The following FBXW4 variants were observed in gnomAD, a reference collection of about 807,000 sequenced individuals.
The protein encoded by FBXW4 is F-box and WD repeat domain containing 4.
In FBXW4, 40 loss-of-function variants were observed where a neutral mutation model predicts 61.8. The observed-to-expected ratio is 0.65, with a 90% CI of 0.50 to 0.84. The LOEUF (loss-of-function observed/expected upper bound fraction) is 0.84, where lower values mean the gene tolerates loss of function less well. Ranked by LOEUF, FBXW4 falls within the 40% of genes least tolerant of loss-of-function variation. The pLI is 0.00. For missense variants in FBXW4, 672 were observed against 753.8 expected (o/e 0.89, Z 1.27); for synonymous variants, 311 against 313.8 (o/e 0.99, Z 0.10).
chr10:101,614,407 A>G (rs1436042636), intron 6 of FBXW4, among the ~76,000 whole-genome samples: 2 of 152,270 alleles, frequency 1.3e-5, no homozygotes, highest in South Asian at 2.1e-4. Context: ...TAAAAGGCCC[A>G]CCCAGACTGG....
Position 101,695,037 on chromosome 10 carries a change from C to A in FBXW4, c.69G>T (p.Ala23=). 9.8e-7 allele frequency: 1 copy of A among 1,018,392 alleles called. No homozygotes were observed. Among genetic ancestry groups the A allele is most frequent in the Non-Finnish European group, 1.2e-6 (1 of 851,738 alleles). 63.1% of individuals were successfully genotyped at this position (1,018,392 alleles called of 1,614,324 possible). Residue 23 remains alanine (A), a synonymous_variant, in exon 1 of 9, where the codon GCG becomes GCT. Transcript: ENST00000331272. This position sits in a 1 kb window ranked among gnomAD's most constrained non-coding sequence, Gnocchi z 4.2. ...CCACCCTCCCTTCCTGCAGCTTCCT[C>A]GCCTCTCCGCCCTCGCCCTCGCCGG... ...GGPGEGEGGE[A]RKLQEGRVAR...
chr10:101,615,862 G>A (rs970478005), intron 6 of FBXW4, among the ~76,000 whole-genome samples: 1 of 152,170 alleles, frequency 6.6e-6, no homozygotes, highest in African/African-American at 2.4e-5. Flanking sequence ...CACCAAGTCT[G>A]CAGAGCTAGG....
rs187223394 is a variant in FBXW4 at position 101,653,996 on chromosome 10, C to T, written c.1235+13890G>A. ...ATTAGCCAGGTGTGGTGGCATGCATCTGTAATCCCAGCTACTTGGGAGGCT... is the reference window on the plus strand; with the variant it reads ...ATTAGCCAGGTGTGGTGGCATGCATTTGTAATCCCAGCTACTTGGGAGGCT... On this transcript the variant is annotated intron_variant, in intron 5 of 8. Transcript: ENST00000331272. 2.6e-5 allele frequency among the ~76,000 whole-genome samples: 4 copies of T among 151,944 alleles called. 1 individual carries two copies. Among genetic ancestry groups the T allele is most frequent in the Non-Finnish European group, 5.9e-5 (4 of 67,980 alleles).
chr10:101,678,394 T>C (rs1477926440), intron 1 of FBXW4, among the ~76,000 whole-genome samples: 2 of 152,214 alleles, frequency 1.3e-5, no homozygotes, highest in African/African-American at 2.4e-5. Flanking sequence ...CCTGGAAATT[T>C]GCTGGCCAGG....
chr10:101,640,321 A>C (rs2064039695), intron 5 of FBXW4, among the ~76,000 whole-genome samples: 1 of 152,148 alleles, frequency 6.6e-6, no homozygotes, highest in South Asian at 2.1e-4. Flanking sequence ...CTAGTCTTCA[A>C]GGGACAAGGC....
intron 6 of FBXW4, among the ~76,000 whole-genome samples, chr10:101,619,441 G>A (rs567990632): frequency 6.6e-6 from 1 of 152,160 alleles, no homozygotes; most frequent in East Asian, 1.9e-4. Flanking sequence ...GGTGGATCAC[G>A]AGGTCAGGAG....
At chr10:101,655,791 G>GT (rs1554930707) in intron 5 of FBXW4, among the ~76,000 whole-genome samples, 1 of 152,234 alleles carries the variant, frequency 6.6e-6, no homozygotes, top group Non-Finnish European at 1.5e-5. Context: ...CCATGATGCC[G>GT]TAAGTCTGGG....
intron 5 of FBXW4, among the ~76,000 whole-genome samples, chr10:101,649,747 C>T (rs1378276782): frequency 6.6e-6 from 1 of 152,224 alleles, no homozygotes; most frequent in Non-Finnish European, 1.5e-5. Flanking sequence ...GCTTGGTGAA[C>T]CTTGGCGGGA....
chr10:101,638,987 G>C (rs992998913), intron 5 of FBXW4, among the ~76,000 whole-genome samples: 2 of 152,216 alleles, frequency 1.3e-5, no homozygotes, highest in Non-Finnish European at 2.9e-5. Context: ...AAGAGCTACT[G>C]TATCTATGTA....
chr10:101,616,124 C>T (rs1450458171), intron 6 of FBXW4, among the ~76,000 whole-genome samples: 1 of 152,142 alleles, frequency 6.6e-6, no homozygotes, highest in Non-Finnish European at 1.5e-5. Context: ...CCTACCTGTG[C>T]ACCTGTCTGC....
intron 5 of FBXW4, chr10:101,625,686 T>C (rs1381670496): frequency 6.6e-6 from 1 of 152,202 alleles, no homozygotes; most frequent in Non-Finnish European, 1.5e-5. Context: ...AGACAACTCT[T>C]GTTAGAGGAT....
At chr10:101,684,082 G>A (rs2064507209) in intron 1 of FBXW4, among the ~76,000 whole-genome samples, 1 of 152,166 alleles carries the variant, frequency 6.6e-6, no homozygotes, top group South Asian at 2.1e-4. Flanking sequence ...TCCTGCCTCA[G>A]CCTCCCAAGT....
intron 4 of FBXW4, among the ~76,000 whole-genome samples, chr10:101,672,007 T>C (rs916455770): frequency 2.0e-5 from 3 of 152,232 alleles, no homozygotes; most frequent in Admixed American, 6.5e-5. Context: ...AGAGGGTACA[T>C]GCAGTCAGAG....
intron 6 of FBXW4, among the ~76,000 whole-genome samples, chr10:101,619,553 G>A (rs1025666827): frequency 3.3e-5 from 5 of 152,112 alleles, no homozygotes; most frequent in African/African-American, 1.2e-4. Context: ...CAGCTACTCG[G>A]GAGGCTGAGG....
At position 101,611,283 on chromosome 10, in the gene FBXW4, C is replaced by T. The variant is rs2063779593; in HGVS notation, c.*8G>A. ...TCCCTGGCCCAGAGGCAGGGGTGGCCCTGACGGTCATGGGTTTTGAAAATC... is the reference window on the plus strand; with the variant it reads ...TCCCTGGCCCAGAGGCAGGGGTGGCTCTGACGGTCATGGGTTTTGAAAATC... On this transcript the variant is annotated 3_prime_UTR_variant, in exon 9 of 9. Coordinates refer to ENST00000331272, the MANE Select transcript of FBXW4 (RefSeq NM_022039.4). This position sits in a 1 kb window ranked among gnomAD's most constrained non-coding sequence, Gnocchi z 4.9. The T allele has an allele frequency of 3.1e-6, 5 of 1,612,582 alleles. No individual in the cohort carries two copies. In the East Asian group the frequency reaches 1.1e-4, roughly 36 times the overall value.
In FBXW4 at chr10:101,611,153, C is replaced by G; in HGVS notation, c.*138G>C. ...TCCCAGGAGTCAGAAGCCTCTAGTG[C>G]AAGGTGCCTGAGCACTGGGGTCACA... is the stretch of plus-strand genomic sequence containing the variant. On this transcript the variant is annotated 3_prime_UTR_variant, in exon 9 of 9. Coordinates refer to ENST00000331272, the MANE Select transcript of FBXW4 (RefSeq NM_022039.4). The surrounding 1 kb of genome is among the most constrained non-coding windows in gnomAD (Gnocchi z 4.9). 8.7e-7 allele frequency: 1 copy of G among 1,156,030 alleles called. No individual in the cohort carries two copies. The highest frequency in any genetic ancestry group is 1.2e-6 in the Non-Finnish European group (1 of 820,814). The allele number at this position is 1,156,030 out of a possible 1,614,324, so 71.6% of individuals were successfully genotyped here.
At chr10:101,670,595 C>T (rs760482820) in intron 4 of FBXW4, among the ~76,000 whole-genome samples, 7 of 152,238 alleles carry the variant, frequency 4.6e-5, no homozygotes, top group Non-Finnish European at 7.3e-5. Flanking sequence ...TGGCCAGGTA[C>T]GCACATCTCT....
chr10:101,615,984 G>A (rs2063824322), intron 6 of FBXW4, among the ~76,000 whole-genome samples: 1 of 152,172 alleles, frequency 6.6e-6, no homozygotes, highest in African/African-American at 2.4e-5. Flanking sequence ...GCATGTCCGT[G>A]GCTCCCACAC....
intron 5 of FBXW4, among the ~76,000 whole-genome samples, chr10:101,644,565 T>C (rs1037287140): frequency 1.3e-5 from 2 of 152,196 alleles, no homozygotes; most frequent in South Asian, 4.1e-4. Context: ...GTGCTGGATC[T>C]GCTCTGCTCT....
Sources: gnomAD v4.1 joint callset for allele counts (sites outside exome capture counted in the v4.1 genomes callset) on GRCh38, gnomAD v4.1.1 for gene constraint, Gnocchi (gnomAD v3.1) non-coding constraint, MANE v1.5 for transcripts, NCBI Gene and HGNC (gene_info 2026-07-23, HGNC 2026-07-21) for gene names.